Variants in GANAB observed in about 807,000 individuals in gnomAD.
The protein encoded by GANAB is glucosidase II alpha subunit, also known as neutral alpha-glucosidase AB.
In GANAB, 35 loss-of-function variants were observed where a neutral mutation model predicts 129.9. The observed-to-expected ratio is 0.27, with a 90% CI of 0.21 to 0.36. The LOEUF (loss-of-function observed/expected upper bound fraction) is 0.36. Ranked by LOEUF, GANAB falls within the 10% of genes least tolerant of loss-of-function variation. The probability of loss-of-function intolerance (pLI) is 1.00; values close to 1 mark genes in which losing one functional copy is unlikely to be tolerated. For synonymous variants in GANAB, 482 were observed against 451.8 expected, an observed-to-expected ratio of 1.07 and a Z score of -0.85; for missense variants, 939 against 1,221.0, an observed-to-expected ratio of 0.77 and a Z score of 3.44.
chr11:62,638,773 A>C (rs1260683045), intron 4 of GANAB, among the ~76,000 whole-genome samples: 1 of 152,216 alleles, frequency 6.6e-6, no homozygotes, highest in Non-Finnish European at 1.5e-5. Context: ...GGAAAAAGCA[A>C]TAATTGTTTG....
At chr11:62,627,726 CTT>C (rs2134463648) in intron 17 of GANAB, among the ~76,000 whole-genome samples, 1 of 151,686 alleles carries the variant, frequency 6.6e-6, no homozygotes, top group South Asian at 2.1e-4. Flanking sequence ...GAGAGTGAGA[CTT>C]TGTCTCAAAA....
At chr11:62,638,950 C>G (rs762301448) in intron 4 of GANAB, 33 bp downstream of exon 4, 1 of 1,607,272 alleles carries the variant, frequency 6.2e-7, no homozygotes, top group Non-Finnish European at 8.5e-7. Context: ...AGAAAGGGGC[C>G]ACAGAAATGG....
chr11:62,635,625 ACTT>A (rs371726968), intron 4 of GANAB, among the ~76,000 whole-genome samples: 1 of 149,992 alleles, frequency 6.7e-6, no homozygotes, highest in Non-Finnish European at 1.5e-5. Context: ...AAAATGATGT[ACTT>A]CTTTTTTTTT....
At chr11:62,627,678 G>A (rs775604579) in intron 17 of GANAB, among the ~76,000 whole-genome samples, 1 of 152,054 alleles carries the variant, frequency 6.6e-6, no homozygotes, top group Non-Finnish European at 1.5e-5. Context: ...TGCATTCAGT[G>A]AGCCAAGATC....
intron 5 of GANAB, chr11:62,634,332 TA>T: frequency 6.2e-7 from 1 of 1,610,640 alleles, no homozygotes; most frequent in Non-Finnish European, 8.5e-7. Flanking sequence ...TTCTTGATCT[TA>T]TCCCATATGC....
Position 62,624,931 on chromosome 11 carries a change from C to G in GANAB, c.*884G>C. The G allele has an allele frequency of 3.9e-6, 1 of 253,300 alleles. No homozygotes were observed. The highest frequency in any genetic ancestry group is 7.8e-6 in the Non-Finnish European group (1 of 128,164). 15.7% of individuals were successfully genotyped at this position (253,300 alleles called of 1,614,324 possible). ...TACCCACAAATATTCCCCGACTCCC[C>G]ATTAGTCCTCCCCCAACCCCCCACC... On this transcript the variant is annotated 3_prime_UTR_variant, in exon 24 of 24. Coordinates refer to ENST00000356638, the MANE Select transcript of GANAB (RefSeq NM_198334.3).
intron 17 of GANAB, among the ~76,000 whole-genome samples, chr11:62,628,352 G>A (rs1279945606): frequency 6.6e-6 from 1 of 151,746 alleles, no homozygotes; most frequent in Admixed American, 6.6e-5. Flanking sequence ...GAGTAGCTGG[G>A]ATTACAGGCG....
At chr11:62,632,979 C>A in intron 8 of GANAB, 26 bp downstream of exon 8, 1 of 1,399,734 alleles carries the variant, frequency 7.1e-7, no homozygotes, top group Non-Finnish European at 1.0e-6. Context: ...CCACCTCCAT[C>A]TTCCTGATGT....
rs768840430 is a variant in GANAB, at chr11:62,633,050, T to G, written c.770A>C (p.Tyr257Ser). 1.9e-6 allele frequency: 3 copies of G among 1,610,824 alleles called. No homozygotes were observed. Among genetic ancestry groups the G allele is most frequent in the Non-Finnish European group, 2.5e-6 (3 of 1,177,214 alleles). ...GTTGTCTGCATGCTCAGGGATCCCA[T>G]AGACATGCTCCATGCCTGGCAGAGA... is the stretch of plus-strand genomic sequence containing the variant. ...DFSLPGMEHV[Y>S]GIPEHADNLR... Residue 257 changes from tyrosine (Y) to serine (S), a missense_variant, in exon 8 of 24, where the codon TAT becomes TCT. Physicochemically the swap from Tyr to Ser is moderately radical, Grantham distance 144. Around this residue, in one of 5 missense-constraint regions of GANAB, gnomAD observed 321 missense variants for 329.1 expected, o/e 0.98. Transcript: ENST00000356638.
At position 62,639,447 on chromosome 11, in the gene GANAB, G is replaced by A; in HGVS notation, c.164C>T (p.Pro55Leu). The A allele has an allele frequency of 6.2e-7, 1 of 1,613,178 alleles. No individual in the cohort carries two copies. The highest frequency in any genetic ancestry group is 1.3e-5 in the African/African-American group (1 of 74,956). Reference sequence around the variant, plus strand: ...CAAGGCTCGGTATGGAGAGAGGCCTGGCCGTATGCTTCTCTGTCGCCTGCC... The same window carrying A: ...CAAGGCTCGGTATGGAGAGAGGCCTAGCCGTATGCTTCTCTGTCGCCTGCC... Reference protein sequence around the residue: ...SFCKRQRSIRPGLSPYRALLD... With the variant: ...SFCKRQRSIRLGLSPYRALLD... The change falls in exon 3 of 24, where the codon CCA (proline) becomes CTA (leucine). Residue 55 changes from proline to leucine, a missense_variant. Coordinates refer to ENST00000356638, the MANE Select transcript of GANAB (RefSeq NM_198334.3).
intron 1 of GANAB, among the ~76,000 whole-genome samples, chr11:62,643,360 G>A (rs757924862): frequency 3.8e-4 from 57 of 151,954 alleles, no homozygotes; most frequent in African/African-American, 1.2e-3. Context: ...AAATTAGGCC[G>A]GGCGTGGTGG....
chr11:62,626,806 C>A, intron 20 of GANAB, 54 bp downstream of exon 20: 1 of 1,416,318 alleles, frequency 7.1e-7, no homozygotes, highest in Non-Finnish European at 9.9e-7. Flanking sequence ...CATTCCCTCC[C>A]CTTCTGGAAA....
chr11:62,638,478 T>C (rs1944048326), intron 4 of GANAB, among the ~76,000 whole-genome samples: 1 of 151,946 alleles, frequency 6.6e-6, no homozygotes. Flanking sequence ...GAATTATGTA[T>C]TTAAGAGAAA....
intron 1 of GANAB, among the ~76,000 whole-genome samples, chr11:62,644,889 A>G (rs1944409662): frequency 1.3e-5 from 2 of 152,162 alleles, no homozygotes; most frequent in Admixed American, 6.6e-5. Context: ...AACTAAAGAC[A>G]GGGTCTATTA....
At position 62,638,924 on chromosome 11, in the gene GANAB, AG is replaced by A. The variant is rs1382316545; in HGVS notation, c.380+58del. On this transcript the variant is annotated intron_variant, in intron 4 of 23. Transcript: ENST00000356638. ...GGAAAGAATATCAGCAACCAAAAAAAGGTTCATCAGGAAGGAGAAAGGGGCC... is the reference window on the plus strand; with the variant it reads ...GGAAAGAATATCAGCAACCAAAAAAAGTTCATCAGGAAGGAGAAAGGGGCC... 51 of 1,573,462 alleles carry A rather than the reference AG, an allele frequency of 3.2e-5. No homozygotes were observed. In the East Asian group the frequency reaches 1.1e-3, roughly 35 times the overall value.
chr11:62,639,215 C>A, intron 3 of GANAB, 105 bp from the exon 4 acceptor site: 2 of 1,387,794 alleles, frequency 1.4e-6, no homozygotes, highest in Non-Finnish European at 2.0e-6. Context: ...GAGCCCTTTG[C>A]CTAAAGGCCA....
Position 62,626,043 on chromosome 11 carries a change from A to C in GANAB, c.2725+22T>G, listed in dbSNP as rs756754923. On this transcript the variant is annotated intron_variant, in intron 23 of 23. Transcript: ENST00000356638. ...CGGCTTCCCCTCCTTCCCCCATCCT[A>C]GGGGCCAGATTGGTCACTCACCTTT... 7 of 1,574,128 alleles carry C rather than the reference A, an allele frequency of 4.4e-6. No individual in the cohort carries two copies. The Admixed American group carries it at 6.7e-5, about 15-fold the overall frequency.
rs944039780 is a variant in GANAB, at chr11:62,625,241, G to A, written c.*574C>T. ...GGAGAGGAAAAGGGTAGAATGAGAG[G>A]GAAAAGGATGTTCTTTAGCAACCTC... is the stretch of plus-strand genomic sequence containing the variant. On this transcript the variant is annotated 3_prime_UTR_variant, in exon 24 of 24. Transcript: ENST00000356638. 6.6e-6 allele frequency: 3 copies of A among 455,064 alleles called. No homozygotes were observed. Among genetic ancestry groups the A allele is most frequent in the African/African-American group, 4.0e-5 (2 of 50,012 alleles). 28.2% of individuals were successfully genotyped at this position (455,064 alleles called of 1,614,324 possible).
intron 23 of GANAB, 65 bp from the exon 24 acceptor site, chr11:62,625,989 T>C (rs1024511087): frequency 6.8e-7 from 1 of 1,466,768 alleles, no homozygotes; most frequent in African/African-American, 1.4e-5. Flanking sequence ...ACAACGTTCC[T>C]ACAGGCAAGG....
Sources: gnomAD v4.1 joint callset for allele counts (sites outside exome capture counted in the v4.1 genomes callset) on GRCh38, gnomAD v4.1.1 for gene constraint, gnomAD v4.1.1 regional missense constraint, MANE v1.5 for transcripts, NCBI Gene and HGNC (gene_info 2026-07-23, HGNC 2026-07-21) for gene names.